Variants in DNAH10 observed in about 807,000 individuals in gnomAD.
The protein encoded by DNAH10 is axonemal beta dynein heavy chain 10.
Under a neutral mutation model 506.6 loss-of-function variants are expected in DNAH10, and 348 were observed. The observed-to-expected ratio is 0.69, with a 90% CI of 0.63 to 0.75. The LOEUF is 0.75. DNAH10 is among the 30% of genes least tolerant of loss of function. The pLI is 0.00. For synonymous variants in DNAH10, 2,059 were observed against 2,198.6 expected, an observed-to-expected ratio of 0.94 and a Z score of 1.78; for missense variants, 5,179 against 5,787.1, an observed-to-expected ratio of 0.89 and a Z score of 3.41.
At position 123,808,928 on chromosome 12, in the gene DNAH10, T is replaced by C. The variant is rs1348723529; in HGVS notation, c.3119T>C (p.Val1040Ala). 4.3e-6 allele frequency: 7 copies of C among 1,614,102 alleles called. No homozygotes were observed. In the Admixed American group the frequency reaches 6.7e-5, roughly 15 times the overall value. Reference sequence around the variant, plus strand: ...ATCGACAAGATGTGCTTCCATTGTGTCCGGAATTGCGTGGAGATCACCAAG... The same window carrying C: ...ATCGACAAGATGTGCTTCCATTGTGCCCGGAATTGCGTGGAGATCACCAAG... ...NEIDKMCFHCVRNCVEITKHF... is the reference protein window; with the variant it reads ...NEIDKMCFHCARNCVEITKHF... The change falls in exon 19 of 79, where the codon GTC becomes GCC. Residue 1040 changes from valine (V) to alanine (A), a missense_variant. Around this residue, in one of 3 missense-constraint regions of DNAH10, gnomAD observed 4,844 missense variants for 5,430.5 expected, o/e 0.89. Transcript: ENST00000673944.
chr12:123,873,602 T>C lies in DNAH10; in HGVS notation c.7830T>C (p.Asp2610=). The change falls in exon 46 of 79, where the codon GAT becomes GAC. Residue 2610 remains aspartate, a synonymous_variant. Coordinates refer to ENST00000673944, the MANE Select transcript of DNAH10 (RefSeq NM_001372106.1). ...TCTCCTCCCGCACCACGTCCATGGATATCCAAAGAAATTTAGAAGCAAATG... is the reference window on the plus strand; with the variant it reads ...TCTCCTCCCGCACCACGTCCATGGACATCCAAAGAAATTTAGAAGCAAATG... ...VNFSSRTTSM[D]IQRNLEANVE... The C allele has an allele frequency of 6.2e-7, 1 of 1,613,956 alleles. No individual in the cohort carries two copies. The highest frequency in any genetic ancestry group is 8.5e-7 in the Non-Finnish European group (1 of 1,179,884).
chr12:123,795,346 C>G (rs1214528899), intron 12 of DNAH10, among the ~76,000 whole-genome samples: 1 of 152,048 alleles, frequency 6.6e-6, no homozygotes, highest in Non-Finnish European at 1.5e-5. Context: ...GATTTATTCT[C>G]TTATGGTACT....
chr12:123,809,470 A>AC lies in DNAH10; in HGVS notation c.3144+524dup, dbSNP rs575711179. 1.7e-3 allele frequency among the ~76,000 whole-genome samples: 255 copies of AC among 151,164 alleles called. 1 individual carries two copies. Among genetic ancestry groups the AC allele is most frequent in the African/African-American group, 5.4e-3 (224 of 41,152 alleles). On this transcript the variant is annotated intron_variant, in intron 19 of 78. Transcript: ENST00000673944. ...AGACCAGCCTGTGCAACATGGTGAGACCCCCCCATCTCTACCAAAACTAAA... is the reference window on the plus strand; with the variant it reads ...AGACCAGCCTGTGCAACATGGTGAGACCCCCCCCATCTCTACCAAAACTAAA...
chr12:123,896,715 T>G (rs1179864827), intron 54 of DNAH10, among the ~76,000 whole-genome samples: 1 of 107,844 alleles, frequency 9.3e-6, no homozygotes, highest in Non-Finnish European at 1.8e-5. Flanking sequence ...AGACCCTGTC[T>G]CAAGAAAAAA....
chr12:123,810,476 A>T (rs553688795), intron 19 of DNAH10, among the ~76,000 whole-genome samples: 30 of 152,222 alleles, frequency 2.0e-4, no homozygotes, highest in Admixed American at 1.5e-3. Flanking sequence ...AGGTCAGGAG[A>T]TTGAGACCAT....
intron 15 of DNAH10, 58 bp from the exon 16 acceptor site, chr12:123,801,223 G>T: frequency 6.6e-7 from 1 of 1,526,404 alleles, no homozygotes; most frequent in South Asian, 1.3e-5. Flanking sequence ...GACCGCAAAA[G>T]CTTTTGATGA....
rs867554690 is a variant in DNAH10 at position 123,928,866 on chromosome 12, C to A, written c.12306+279C>A. On this transcript the variant is annotated intron_variant, in intron 70 of 78. Transcript: ENST00000673944. This position sits in a 1 kb window ranked among gnomAD's most constrained non-coding sequence, Gnocchi z 4.9. ...TTCATAAACTTCACGGCCCCCCCCCCCACACACAGCCTGCAGTTCGCTAGT... is the reference window on the plus strand; with the variant it reads ...TTCATAAACTTCACGGCCCCCCCCCACACACACAGCCTGCAGTTCGCTAGT... The A allele has an allele frequency of 7.9e-4, 326 of 410,808 alleles. 1 individual carries two copies. The highest frequency in any genetic ancestry group is 3.0e-3 in the Admixed American group (57 of 19,158). The allele number at this position is 410,808 out of a possible 1,614,324, so 25.4% of individuals were successfully genotyped here.
At position 123,902,883 on chromosome 12, in the gene DNAH10, C is replaced by G. The variant is rs916867170; in HGVS notation, c.9641-56C>G. 5.9e-6 allele frequency: 9 copies of G among 1,517,798 alleles called. No homozygotes were observed. The African/African-American group carries it at 1.3e-4, about 21-fold the overall frequency. The allele number at this position is 1,517,798 out of a possible 1,614,324, so 94.0% of individuals were successfully genotyped here. ...ACTGCACTCTGCTCAGAGCCGGGGC[C>G]GCGAGTGCATCTCCTCTGAGCCCAA... On this transcript the variant is annotated intron_variant, in intron 56 of 78. Coordinates refer to ENST00000673944, the MANE Select transcript of DNAH10 (RefSeq NM_001372106.1). The surrounding 1 kb of genome is among the most constrained non-coding windows in gnomAD (Gnocchi z 4.5).
intron 28 of DNAH10, among the ~76,000 whole-genome samples, chr12:123,838,124 G>A (rs775153814): frequency 2.0e-5 from 3 of 152,234 alleles, no homozygotes; most frequent in African/African-American, 4.8e-5. Flanking sequence ...TTGAATGGGC[G>A]CCTACTGTGT....
chr12:123,826,926 T>C (rs1223572405), intron 25 of DNAH10, 28 bp downstream of exon 25: 1 of 1,580,370 alleles, frequency 6.3e-7, no homozygotes, highest in Non-Finnish European at 8.6e-7. Context: ...TCCGCAGATG[T>C]AAAAGTGTGG....
At chr12:123,779,045 A>G (rs1957545242) in intron 5 of DNAH10, among the ~76,000 whole-genome samples, 1 of 151,936 alleles carries the variant, frequency 6.6e-6, no homozygotes, top group African/African-American at 2.4e-5. Flanking sequence ...GACTAGAGAG[A>G]GGCACCCGCC....
At position 123,870,451 on chromosome 12, in the gene DNAH10, T is replaced by G. The variant is rs532750624; in HGVS notation, c.7605T>G (p.Ile2535Met). ...GGAGTAAATTAGTTCCAGAGTATAT[T>G]CATGCCCCCGAGAGGAAATTCATCA... ...VPWSKLVPEY[I>M]HAPERKFINI... is the part of the protein sequence containing the mutation. The change falls in exon 44 of 79, where the codon ATT (isoleucine) becomes ATG (methionine). Residue 2535 changes from isoleucine (I) to methionine (M), a missense_variant. Physicochemically the swap from Ile to Met is conservative, Grantham distance 10. This residue lies in a region of DNAH10 where 4,844 missense variants were observed against 5,430.5 expected (regional missense o/e 0.89). Coordinates refer to ENST00000673944, the MANE Select transcript of DNAH10 (RefSeq NM_001372106.1). 3 of 1,613,784 alleles carry G rather than the reference T, an allele frequency of 1.9e-6. No individual in the cohort carries two copies. The African/African-American group carries it at 4.0e-5, about 22-fold the overall frequency.
Position 123,898,694 on chromosome 12 carries a change from G to A in DNAH10, c.9520G>A (p.Glu3174Lys). 6.3e-7 allele frequency: 1 copy of A among 1,599,708 alleles called. No homozygotes were observed. Among genetic ancestry groups the A allele is most frequent in the Non-Finnish European group, 8.5e-7 (1 of 1,173,546 alleles). ...RLDGGLDKLK[E>K]ATIQLDELNQ... ...GGATGGGGGACTGGACAAGCTGAAG[G>A]AGGCCACCATCCAGCTGGACGAGCT... Residue 3174 changes from glutamate (E) to lysine (K), a missense_variant, in exon 56 of 79, where the codon GAG (glutamate) becomes AAG (lysine). Glu to Lys is a moderately conservative substitution (Grantham distance 56). Coordinates refer to ENST00000673944, the MANE Select transcript of DNAH10 (RefSeq NM_001372106.1).
In DNAH10 at chr12:123,919,876, G is replaced by T. The variant is rs1040282957; in HGVS notation, c.11506+927G>T. Among the ~76,000 whole-genome samples the T allele has an allele frequency of 1.3e-5, 2 of 152,182 alleles. No individual in the cohort carries two copies. The highest frequency in any genetic ancestry group is 2.9e-5 in the Non-Finnish European group (2 of 68,038). ...CCACCCGTCACCTGATGGGCATTTG[G>T]GTTGTTTCGCTTGTTTTGCTATTAA... On this transcript the variant is annotated intron_variant, in intron 65 of 78. Coordinates refer to ENST00000673944, the MANE Select transcript of DNAH10 (RefSeq NM_001372106.1). The surrounding 1 kb of genome is among the most constrained non-coding windows in gnomAD (Gnocchi z 4.9).
chr12:123,792,910 A>G (rs928341481), intron 11 of DNAH10, among the ~76,000 whole-genome samples: 2 of 152,210 alleles, frequency 1.3e-5, no homozygotes, highest in African/African-American at 4.8e-5. Context: ...CACATTTAGT[A>G]GCTTCCTAAG....
chr12:123,805,187 G>C (rs183971237), intron 18 of DNAH10, 147 bp downstream of exon 18: 1 of 794,184 alleles, frequency 1.3e-6, no homozygotes, highest in African/African-American at 1.7e-5. Context: ...CTCACAGAAT[G>C]GGGGGATGAC....
chr12:123,866,567 T>G, intron 41 of DNAH10, among the ~76,000 whole-genome samples: 1 of 152,052 alleles, frequency 6.6e-6, no homozygotes, highest in East Asian at 1.9e-4. Flanking sequence ...TTCAGATAGT[T>G]TATAGCCAGT....
At chr12:123,927,007 T>C in intron 69 of DNAH10, 187 bp downstream of exon 69, 1 of 666,282 alleles carries the variant, frequency 1.5e-6, no homozygotes, top group Non-Finnish European at 2.5e-6. Flanking sequence ...CAACCTCATG[T>C]TGTGATCATG....
chr12:123,840,156 A>G (rs1040479895), intron 29 of DNAH10, among the ~76,000 whole-genome samples: 1 of 151,826 alleles, frequency 6.6e-6, no homozygotes, highest in Non-Finnish European at 1.5e-5. Flanking sequence ...AGTTATGACA[A>G]CCAGAAACAT....
Sources: gnomAD v4.1 joint callset for allele counts (sites outside exome capture counted in the v4.1 genomes callset) on GRCh38, gnomAD v4.1.1 for gene constraint, gnomAD v4.1.1 regional missense constraint, Gnocchi (gnomAD v3.1) non-coding constraint, MANE v1.5 for transcripts, NCBI Gene and HGNC (gene_info 2026-07-23, HGNC 2026-07-21) for gene names.